CAMTA1: variants seen among roughly 807,000 people sequenced by gnomAD.
CAMTA1 encodes the protein calmodulin-binding transcription activator 1.
CAMTA1 carries 27 observed loss-of-function variants against 170.9 expected under a neutral mutation model. That is an observed-to-expected ratio of 0.16 (90% CI 0.12 to 0.22). The LOEUF is 0.22. CAMTA1 is among the 10% of genes least tolerant of loss of function. The probability of loss-of-function intolerance (pLI) is 1.00; values close to 1 mark genes in which losing one functional copy is unlikely to be tolerated. For synonymous variants in CAMTA1, 833 were observed against 891.5 expected (o/e 0.93, Z 1.17); for missense variants, 1,619 against 2,217.2 (o/e 0.73, Z 5.42).
chr1:7,593,204 C>T (rs1333051603), intron 6 of CAMTA1, among the ~76,000 whole-genome samples: 1 of 152,166 alleles, frequency 6.6e-6, no homozygotes, highest in African/African-American at 2.4e-5. Context: ...ATATCTTGCA[C>T]AGTGAATCAC....
chr1:7,462,888 C>T (rs560740397), intron 5 of CAMTA1, among the ~76,000 whole-genome samples: 1 of 152,268 alleles, frequency 6.6e-6, no homozygotes, highest in South Asian at 2.1e-4. Context: ...AGGCAGAGTC[C>T]ACATCCTCCC....
chr1:6,911,411 C>T (rs1363925412), intron 3 of CAMTA1, among the ~76,000 whole-genome samples: 1 of 152,156 alleles, frequency 6.6e-6, no homozygotes, highest in Non-Finnish European at 1.5e-5. Flanking sequence ...GAGTAATTAT[C>T]GTCAACACGG....
chr1:7,578,456 T>C (rs2095223874), intron 6 of CAMTA1, among the ~76,000 whole-genome samples: 1 of 152,184 alleles, frequency 6.6e-6, no homozygotes, highest in Admixed American at 6.5e-5. Context: ...CCAAGCGGTG[T>C]GGAGGCTGGG....
At chr1:7,480,084 C>T (rs1335892473) in intron 6 of CAMTA1, among the ~76,000 whole-genome samples, 3 of 145,648 alleles carry the variant, frequency 2.1e-5, no homozygotes, top group South Asian at 2.2e-4. Flanking sequence ...TGCATGTGTC[C>T]GTGTGTGTGC....
chr1:7,394,424 A>C (rs2089064339), intron 5 of CAMTA1, among the ~76,000 whole-genome samples: 1 of 152,156 alleles, frequency 6.6e-6, no homozygotes, highest in East Asian at 1.9e-4. Flanking sequence ...TTTGACTTGC[A>C]TTTCCCTGAT....
intron 5 of CAMTA1, among the ~76,000 whole-genome samples, chr1:7,377,624 A>G (rs1420572828): frequency 6.6e-6 from 1 of 152,224 alleles, no homozygotes; most frequent in African/African-American, 2.4e-5. Context: ...TTGACAAACT[A>G]TGGCCCATGA....
chr1:6,949,631 A>C (rs1180899330), intron 3 of CAMTA1, among the ~76,000 whole-genome samples: 1 of 152,238 alleles, frequency 6.6e-6, no homozygotes, highest in East Asian at 1.9e-4. Flanking sequence ...GAGAGGCTAG[A>C]ACCCAGATGC....
Position 6,995,288 on chromosome 1 carries a change from T to C in CAMTA1, c.235-96016T>C, listed in dbSNP as rs952423354. Among the ~76,000 whole-genome samples the C allele has an allele frequency of 9.8e-5, 13 of 132,156 alleles. 1 individual carries two copies. The highest frequency in any genetic ancestry group is 4.1e-4 in the African/African-American group (13 of 31,968). 86.7% of individuals were successfully genotyped at this position (132,156 alleles called of 152,430 possible). The stretch of plus-strand genomic sequence containing the variant: ...CTTTAGATCCTTTAAAATCTTTTTT[T>C]TCTTTTCTTTTTTTTTTTTTTTTTT... On this transcript the variant is annotated intron_variant, in intron 3 of 22. Coordinates refer to ENST00000303635, the MANE Select transcript of CAMTA1 (RefSeq NM_015215.4).
chr1:6,789,575 C>G (rs566718368), intron 1 of CAMTA1, among the ~76,000 whole-genome samples: 1 of 152,190 alleles, frequency 6.6e-6, no homozygotes, highest in Non-Finnish European at 1.5e-5. Context: ...CTCTTATTTT[C>G]TTCTGTTCCC....
chr1:7,153,493 G>A (rs375592287), intron 4 of CAMTA1, among the ~76,000 whole-genome samples: 3 of 152,102 alleles, frequency 2.0e-5, no homozygotes, highest in Non-Finnish European at 2.9e-5. Context: ...GCCTCCCTGC[G>A]TACCTGCACT....
intron 5 of CAMTA1, among the ~76,000 whole-genome samples, chr1:7,447,116 C>T (rs1490473906): frequency 6.6e-6 from 1 of 152,272 alleles, no homozygotes; most frequent in Non-Finnish European, 1.5e-5. Context: ...GCCCCAACCC[C>T]TCATGCCCAC....
intron 4 of CAMTA1, among the ~76,000 whole-genome samples, chr1:7,137,750 G>T (rs544171310): frequency 3.9e-5 from 6 of 152,150 alleles, no homozygotes; most frequent in African/African-American, 1.4e-4. Context: ...TTCAGGCAAT[G>T]CCTCAAATGT....
At chr1:7,504,735 A>T (rs563441050) in intron 6 of CAMTA1, among the ~76,000 whole-genome samples, 1 of 152,396 alleles carries the variant, frequency 6.6e-6, no homozygotes, top group Admixed American at 6.5e-5. Flanking sequence ...AGCAGTAAAA[A>T]TGTCTAGGCC....
chr1:7,708,323 C>T (rs2096542719), intron 11 of CAMTA1, among the ~76,000 whole-genome samples: 1 of 151,128 alleles, frequency 6.6e-6, no homozygotes, highest in South Asian at 2.1e-4. Context: ...AGAGTGAGAC[C>T]CCATCTCAAC....
At chr1:7,391,256 C>A (rs140251801) in intron 5 of CAMTA1, among the ~76,000 whole-genome samples, 3,781 of 152,104 alleles carry the variant, frequency 0.025, 106 homozygotes, top group African/African-American at 0.062. Context: ...CTCGGCCTCC[C>A]AAAGTGCTGG....
intron 3 of CAMTA1, among the ~76,000 whole-genome samples, chr1:6,990,483 A>C (rs1696173809): frequency 6.6e-6 from 1 of 152,196 alleles, no homozygotes; most frequent in African/African-American, 2.4e-5. Flanking sequence ...TGTCGCCTCT[A>C]AATATTTCAG....
At chr1:7,668,397 AC>A (rs2096020388) in intron 9 of CAMTA1, among the ~76,000 whole-genome samples, 2 of 118,904 alleles carry the variant, frequency 1.7e-5, no homozygotes, top group East Asian at 2.4e-4. Flanking sequence ...CAACACACAC[AC>A]ACACACACAC....
chr1:7,248,530 C>T lies in CAMTA1; in HGVS notation c.303-961C>T, dbSNP rs1666178395. On this transcript the variant is annotated intron_variant, in intron 4 of 22. Coordinates refer to ENST00000303635, the MANE Select transcript of CAMTA1 (RefSeq NM_015215.4). This position sits in a 1 kb window ranked among gnomAD's most constrained non-coding sequence, Gnocchi z 4.0. ...TGCTGCTAGATTTTGGGGGAGTCTTCCTTGACGTTGGATCTGCCCACAGCT... is the reference window on the plus strand; with the variant it reads ...TGCTGCTAGATTTTGGGGGAGTCTTTCTTGACGTTGGATCTGCCCACAGCT... 6.6e-6 allele frequency among the ~76,000 whole-genome samples: 1 copy of T among 152,138 alleles called. No individual in the cohort carries two copies. The highest frequency in any genetic ancestry group is 2.4e-5 in the African/African-American group (1 of 41,422).
intron 3 of CAMTA1, among the ~76,000 whole-genome samples, chr1:6,845,145 A>C (rs1181992495): frequency 6.6e-6 from 1 of 152,152 alleles, no homozygotes; most frequent in African/African-American, 2.4e-5. Context: ...CTAGAACGGG[A>C]CCACAAAGGA....
Sources: allele counts gnomAD v4.1 joint callset (sites outside exome capture counted in the v4.1 genomes callset), GRCh38; gene constraint gnomAD v4.1.1; non-coding constraint Gnocchi (gnomAD v3.1); transcripts MANE v1.5; gene names NCBI Gene and HGNC (gene_info 2026-07-23, HGNC 2026-07-21).